The following SURF4 variants were observed in gnomAD, a reference collection of about 807,000 sequenced individuals.
SURF4 encodes the protein surfeit 4.
In SURF4, 3 loss-of-function variants were observed where a neutral mutation model predicts 30.0. That is an observed-to-expected ratio of 0.10 (90% CI 0.05 to 0.26). The LOEUF (loss-of-function observed/expected upper bound fraction) is 0.26. Among genes scored for constraint, SURF4 ranks in the 10% least tolerant of loss-of-function variants. The pLI is 1.00. For missense variants in SURF4, 217 were observed against 350.8 expected (o/e 0.62, Z 3.05); for synonymous variants, 143 against 139.9 (o/e 1.02, Z -0.16).
At chr9:133,377,800 C>A (rs1838031076), upstream of SURF4, among the ~76,000 whole-genome samples, 1 of 152,150 alleles carries the variant, frequency 6.6e-6, no homozygotes, top group African/African-American at 2.4e-5. Flanking sequence ...GTGTGCAGTT[C>A]ATTTCTATTA....
At chr9:133,373,873 G>A (rs2130214865) in intron 1 of SURF4, among the ~76,000 whole-genome samples, 2 of 121,102 alleles carry the variant, frequency 1.7e-5, no homozygotes, top group Non-Finnish European at 3.2e-5. Flanking sequence ...AGCCGAGATC[G>A]CACCATTACA....
At chr9:133,375,612 C>T (rs1349706905) in intron 1 of SURF4, among the ~76,000 whole-genome samples, 2 of 152,300 alleles carry the variant, frequency 1.3e-5, no homozygotes, top group Non-Finnish European at 1.5e-5. Flanking sequence ...CCAGGACTCG[C>T]GCCGCCGGCC....
At chr9:133,371,170 G>T in intron 1 of SURF4, 1 of 980,852 alleles carries the variant, frequency 1.0e-6, no homozygotes, top group Non-Finnish European at 1.2e-6. Context: ...GAGGAAAGCA[G>T]CTTGCAAATT....
intron 1 of SURF4, among the ~76,000 whole-genome samples, chr9:133,374,849 A>C (rs1837772954): frequency 1.3e-5 from 2 of 152,030 alleles, no homozygotes; most frequent in South Asian, 4.2e-4. Flanking sequence ...CGATAAGTCT[A>C]GGCCTCAGAG....
chr9:133,364,299 A>T (rs1267114206), intron 5 of SURF4, among the ~76,000 whole-genome samples: 2 of 152,230 alleles, frequency 1.3e-5, no homozygotes, highest in Non-Finnish European at 2.9e-5. Context: ...AGGGCCAAGC[A>T]CACTCCACCA....
Position 133,363,990 on chromosome 9 carries a change from C to T in SURF4, c.544-231G>A, listed in dbSNP as rs1278563847. 2.8e-6 allele frequency: 2 copies of T among 710,786 alleles called. No homozygotes were observed. The highest frequency in any genetic ancestry group is 1.5e-5 in the South Asian group (1 of 66,242). 44.0% of individuals were successfully genotyped at this position (710,786 alleles called of 1,614,324 possible). A position where few individuals can be genotyped will look rare whatever the true frequency, so the allele number is the denominator to read the frequency against. On this transcript the variant is annotated intron_variant, in intron 5 of 5. Transcript: ENST00000371989. The surrounding 1 kb of genome is among the most constrained non-coding windows in gnomAD (Gnocchi z 4.3). ...GTTTGGGGAAGACTGAAGTTCCCAA[C>T]TAGTAACAGGCTGTGATTTACCAAG...
chr9:133,374,593 A>C (rs1054334864), intron 1 of SURF4, among the ~76,000 whole-genome samples: 1 of 151,846 alleles, frequency 6.6e-6, no homozygotes, highest in Non-Finnish European at 1.5e-5. Flanking sequence ...AAATAAATAA[A>C]CAAATAAAAT....
At chr9:133,377,532 G>A (rs2130254684), upstream of SURF4, among the ~76,000 whole-genome samples, 7 of 152,282 alleles carry the variant, frequency 4.6e-5, no homozygotes, top group East Asian at 1.9e-4. Flanking sequence ...GTGTGGTGGC[G>A]CATGCCTGTA....
At position 133,366,586 on chromosome 9, in the gene SURF4, G is replaced by A. The variant is rs2130128405; in HGVS notation, c.312+13C>T. On this transcript the variant is annotated intron_variant, in intron 3 of 5. Transcript: ENST00000371989. ...GCAAAGAGAAGGGAGCCCCGACCAC[G>A]CGGCCCGTGTACCTGCAGAGCTATG... 1.3e-5 allele frequency: 21 copies of A among 1,613,506 alleles called. No individual in the cohort carries two copies. Among genetic ancestry groups the A allele is most frequent in the South Asian group, 3.3e-5 (3 of 91,080 alleles).
At chr9:133,375,085 G>GT (rs1165697682) in intron 1 of SURF4, among the ~76,000 whole-genome samples, 2 of 152,064 alleles carry the variant, frequency 1.3e-5, no homozygotes, top group African/African-American at 2.4e-5. Flanking sequence ...TTTTGTTTTT[G>GT]TTTTTTTGTT....
chr9:133,367,370 T>C lies in SURF4; in HGVS notation c.124A>G (p.Ile42Val). The C allele has an allele frequency of 6.2e-7, 1 of 1,614,222 alleles. No individual in the cohort carries two copies. The highest frequency in any genetic ancestry group is 8.5e-7 in the Non-Finnish European group (1 of 1,180,046). The change falls in exon 2 of 6, where the codon ATC becomes GTC. Residue 42 changes from isoleucine (I) to valine (V), a missense_variant. By Grantham distance (29) the Ile-to-Val change is conservative. Coordinates refer to ENST00000371989, the MANE Select transcript of SURF4 (RefSeq NM_033161.4). ...CLISTFLEDG[I>V]RMWFQWSEQR... ...TCGCTCCACTGGAACCACATACGGA[T>C]GCCGTCCTCCAGGAAGGTGCTGATC...
intron 3 of SURF4, 111 bp from the exon 4 acceptor site, chr9:133,366,139 C>G: frequency 9.1e-7 from 1 of 1,101,470 alleles, no homozygotes; most frequent in Non-Finnish European, 1.4e-6. Flanking sequence ...GTCTAAAACA[C>G]ACAAAACCAT....
intron 1 of SURF4, 151 bp downstream of exon 1, chr9:133,375,771 G>A: frequency 2.4e-6 from 2 of 821,706 alleles, no homozygotes; most frequent in Non-Finnish European, 3.2e-6. Context: ...GTCCAGCCGG[G>A]ACAGAGGGCC....
At chr9:133,367,891 C>A (rs1042489543) in intron 1 of SURF4, among the ~76,000 whole-genome samples, 1 of 152,268 alleles carries the variant, frequency 6.6e-6, no homozygotes, top group Admixed American at 6.5e-5. Context: ...ATCTATCCAA[C>A]GTTTCTGCAC....
At chr9:133,377,357 C>G (rs112292658), upstream of SURF4, among the ~76,000 whole-genome samples, 8 of 152,318 alleles carry the variant, frequency 5.3e-5, no homozygotes, top group African/African-American at 1.7e-4. Flanking sequence ...GCCCTCAGCC[C>G]GCTGTGGCTT....
Position 133,363,242 on chromosome 9 carries a change from C to T in SURF4, c.*251G>A, listed in dbSNP as rs2130083235. 4.8e-5 allele frequency: 33 copies of T among 680,692 alleles called. No homozygotes were observed. The highest frequency in any genetic ancestry group is 3.4e-4 in the Middle Eastern group (1 of 2,954). The allele number at this position is 680,692 out of a possible 1,614,324, so 42.2% of individuals were successfully genotyped here. ...AAGCGGGCTGTTCACTCCAAAGCCT[C>T]GGCGTGGGGGAGGCTTCCAGCTGCC... On this transcript the variant is annotated 3_prime_UTR_variant, in exon 6 of 6. Coordinates refer to ENST00000371989, the MANE Select transcript of SURF4 (RefSeq NM_033161.4). This position sits in a 1 kb window ranked among gnomAD's most constrained non-coding sequence, Gnocchi z 4.3.
intron 1 of SURF4, chr9:133,370,823 A>G: frequency 8.0e-7 from 1 of 1,250,682 alleles, no homozygotes; most frequent in East Asian, 5.6e-5. Context: ...CAGCAGAGCC[A>G]GAGGTGGCTG....
chr9:133,377,862 T>G (rs1311694679), upstream of SURF4, among the ~76,000 whole-genome samples: 1 of 152,164 alleles, frequency 6.6e-6, no homozygotes, highest in Non-Finnish European at 1.5e-5. Flanking sequence ...TAATGTAGAA[T>G]CAGTGGGAGC....
In SURF4 at chr9:133,363,140, T is replaced by C. The variant is rs959896365; in HGVS notation, c.*353A>G. ...CTTTGAATGATAATACCAATGCGTC[T>C]GCTCACAGTACAGCTTGAAGGCCCC... On this transcript the variant is annotated 3_prime_UTR_variant, in exon 6 of 6. Transcript: ENST00000371989. This position sits in a 1 kb window ranked among gnomAD's most constrained non-coding sequence, Gnocchi z 4.3. 1 of 525,604 alleles carries C rather than the reference T, an allele frequency of 1.9e-6. No homozygotes were observed. Among genetic ancestry groups the C allele is most frequent in the Non-Finnish European group, 3.4e-6 (1 of 293,098 alleles). The allele number at this position is 525,604 out of a possible 1,614,324, so 32.6% of individuals were successfully genotyped here.
Sources: gnomAD v4.1 joint callset for allele counts (sites outside exome capture counted in the v4.1 genomes callset) on GRCh38, gnomAD v4.1.1 for gene constraint, Gnocchi (gnomAD v3.1) non-coding constraint, MANE v1.5 for transcripts, NCBI Gene and HGNC (gene_info 2026-07-23, HGNC 2026-07-21) for gene names.